EFHC2: variants seen among roughly 807,000 people sequenced by gnomAD.
The protein encoded by EFHC2 is EF-hand domain containing 2, also known as EF-hand domain-containing family member C2.
Under a neutral mutation model 52.7 loss-of-function variants are expected in EFHC2, and 18 were observed. That is an observed-to-expected ratio of 0.34 (90% CI 0.24 to 0.51). The LOEUF is 0.51. Ranked by LOEUF, EFHC2 falls within the 20% of genes least tolerant of loss-of-function variation. The pLI is 0.97. For synonymous variants in EFHC2, 203 were observed against 204.1 expected, an observed-to-expected ratio of 0.99 and a Z score of 0.04; for missense variants, 513 against 562.5, an observed-to-expected ratio of 0.91 and a Z score of 0.89.
At chrX:44,252,508 T>C (rs992982829) in intron 4 of EFHC2, among the ~76,000 whole-genome samples, 1 of 111,960 alleles carries the variant, frequency 8.9e-6, no homozygotes, top group Non-Finnish European at 1.9e-5. Flanking sequence ...GATTGAAAAA[T>C]GTTTCTTTGG....
chrX:44,266,571 G>A (rs1176830582), intron 3 of EFHC2, among the ~76,000 whole-genome samples: 1 of 110,560 alleles, frequency 9.0e-6, no homozygotes, highest in Admixed American at 9.7e-5. Flanking sequence ...CCGGCCTCAA[G>A]TTATCAGCCC....
chrX:44,217,132 T>C (rs756903974), intron 11 of EFHC2, among the ~76,000 whole-genome samples: 20 of 112,094 alleles, frequency 1.8e-4, no homozygotes, highest in Non-Finnish European at 3.6e-4. Context: ...CTCAACATCA[T>C]TGATCATCAG....
chrX:44,261,209 C>A lies in EFHC2; in HGVS notation c.472G>T (p.Val158Phe), dbSNP rs778141055. Reference protein sequence around the residue: ...TVYHFNVGTEVVFYGRTFKIY... With the variant: ...TVYHFNVGTEFVFYGRTFKIY... The stretch of plus-strand genomic sequence containing the variant: ...TTGAATGTCCGGCCATAGAAGACAA[C>A]CTCTGTGCCGACATTAAAATGATAC... Residue 158 changes from valine to phenylalanine, a missense_variant, in exon 4 of 15, where the codon GTT (valine) becomes TTT (phenylalanine). Coordinates refer to ENST00000420999, the MANE Select transcript of EFHC2 (RefSeq NM_025184.4). The A allele has an allele frequency of 8.3e-7, 1 of 1,211,547 alleles. No individual in the cohort carries two copies. Among genetic ancestry groups the A allele is most frequent in the East Asian group, 3.0e-5 (1 of 33,855 alleles).
intron 4 of EFHC2, among the ~76,000 whole-genome samples, chrX:44,251,624 A>T (rs868044464): frequency 1.7e-4 from 13 of 78,054 alleles, no homozygotes; most frequent in African/African-American, 2.5e-4. Flanking sequence ...AAAAAAAAAA[A>T]AAAAAAAAAA....
chrX:44,333,790 T>C (rs1018616944), intron 1 of EFHC2, among the ~76,000 whole-genome samples: 1 of 111,185 alleles, frequency 9.0e-6, no homozygotes, highest in Non-Finnish European at 1.9e-5. Flanking sequence ...GCAAATAAGA[T>C]GGAAGGAGGG....
At chrX:44,273,279 T>C (rs1264345596) in intron 2 of EFHC2, among the ~76,000 whole-genome samples, 2 of 112,527 alleles carry the variant, frequency 1.8e-5, no homozygotes, top group African/African-American at 6.5e-5. Flanking sequence ...GTCCTGATGA[T>C]TGCTTGCCTT....
chrX:44,189,177 G>A (rs1177794430), intron 11 of EFHC2, among the ~76,000 whole-genome samples: 1 of 105,145 alleles, frequency 9.5e-6, no homozygotes, highest in Admixed American at 1.0e-4. Flanking sequence ...CATCTGAGAA[G>A]CTGTACAAAG....
At chrX:44,293,382 C>T (rs772771971) in intron 2 of EFHC2, among the ~76,000 whole-genome samples, 3 of 111,449 alleles carry the variant, frequency 2.7e-5, no homozygotes, top group African/African-American at 9.8e-5. Flanking sequence ...ATAATCCCAT[C>T]ACAATTTCAC....
chrX:44,271,050 CCT>C (rs1360567221), intron 3 of EFHC2, among the ~76,000 whole-genome samples: 1 of 111,688 alleles, frequency 9.0e-6, no homozygotes, highest in Non-Finnish European at 1.9e-5. Context: ...TATCTCTTTC[CCT>C]CTTTCTTCTC....
chrX:44,248,805 T>C lies in EFHC2; in HGVS notation c.970A>G (p.Lys324Glu), dbSNP rs1412832007. ...TAATAAAATATGAGGTTCCTTCCCT[T>C]ATATCTATCGAACAGGTAGCCATCC... ...QADGYLFDRYKLGKVDQEFYK... is the reference protein window; with the variant it reads ...QADGYLFDRYELGKVDQEFYK... The change falls in exon 6 of 15, where the codon AAG becomes GAG. Residue 324 changes from lysine (K) to glutamate (E), a missense_variant and splice_region_variant. Physicochemically the swap from Lys to Glu is moderately conservative, Grantham distance 56 (BLOSUM62 1). Coordinates refer to ENST00000420999, the MANE Select transcript of EFHC2 (RefSeq NM_025184.4). 1.7e-6 allele frequency: 2 copies of C among 1,199,372 alleles called. No homozygotes were observed. The highest frequency in any genetic ancestry group is 1.8e-5 in the South Asian group (1 of 56,251).
intron 1 of EFHC2, among the ~76,000 whole-genome samples, chrX:44,323,862 A>G (rs2038036967): frequency 9.0e-6 from 1 of 111,022 alleles, no homozygotes; most frequent in South Asian, 3.8e-4. Flanking sequence ...AATGTGACCT[A>G]CCTGACTCCA....
In EFHC2 at chrX:44,280,132, A is replaced by T. The variant is rs147674481; in HGVS notation, c.232-7296T>A. Among the ~76,000 whole-genome samples the T allele has an allele frequency of 7.6e-3, 835 of 110,114 alleles. 12 individuals are homozygous for T. The highest frequency in any genetic ancestry group is 0.026 in the African/African-American group (790 of 30,168). On this transcript the variant is annotated intron_variant, in intron 2 of 14. Transcript: ENST00000420999. Reference sequence around the variant, plus strand: ...TTTTTAAAGCTCCCCAAGTGATTACAAACTGCAAGCCAAGGTTGAGAACTA... The same window carrying T: ...TTTTTAAAGCTCCCCAAGTGATTACTAACTGCAAGCCAAGGTTGAGAACTA...
intron 2 of EFHC2, among the ~76,000 whole-genome samples, chrX:44,297,934 AAAGAG>A (rs1278932380): frequency 9.2e-5 from 10 of 108,368 alleles, no homozygotes; most frequent in African/African-American, 3.4e-4. Context: ...AAGTCCAATA[AAAGAG>A]AAAAGAAAAC....
At chrX:44,308,754 T>C (rs1329347455) in intron 2 of EFHC2, among the ~76,000 whole-genome samples, 2 of 112,695 alleles carry the variant, frequency 1.8e-5, no homozygotes, top group Non-Finnish European at 3.7e-5. Flanking sequence ...TTCACTAAAA[T>C]AAAACTTAGA....
At chrX:44,237,568 T>C (rs893173167) in intron 8 of EFHC2, among the ~76,000 whole-genome samples, 1 of 111,754 alleles carries the variant, frequency 8.9e-6, no homozygotes, top group Non-Finnish European at 1.9e-5. Context: ...CAAATTCTTC[T>C]CCCATTTTCT....
chrX:44,279,611 C>T (rs2037686776), intron 2 of EFHC2, among the ~76,000 whole-genome samples: 1 of 110,331 alleles, frequency 9.1e-6, no homozygotes, highest in South Asian at 3.8e-4. Context: ...ATCATGCAAA[C>T]ATATGAAAAT....
At position 44,312,644 on chromosome X, in the gene EFHC2, T is replaced by G. The variant is rs781159094; in HGVS notation, c.155A>C (p.Lys52Thr). 1.7e-6 allele frequency: 2 copies of G among 1,208,777 alleles called. No homozygotes were observed. Among genetic ancestry groups the G allele is most frequent in the Non-Finnish European group, 2.2e-6 (2 of 894,518 alleles). The change falls in exon 2 of 15, where the codon AAG becomes ACG. Residue 52 changes from lysine to threonine, a missense_variant. Lys to Thr is a moderately conservative substitution (Grantham distance 78). Coordinates refer to ENST00000420999, the MANE Select transcript of EFHC2 (RefSeq NM_025184.4). Reference protein sequence around the residue: ...GIGGEPLLGQKIKPKCSIYPK... With the variant: ...GIGGEPLLGQTIKPKCSIYPK... ...ATATATGCTACATTTAGGCTTTATC[T>G]TTTGCCCCAGAAGTGGTTCTCCACC...
intron 11 of EFHC2, among the ~76,000 whole-genome samples, chrX:44,214,356 T>C (rs1351572344): frequency 8.9e-6 from 1 of 111,826 alleles, no homozygotes; most frequent in Non-Finnish European, 1.9e-5. Flanking sequence ...AAAGAAAATA[T>C]CTTGAAAGAA....
At chrX:44,231,735 C>T (rs938232307) in intron 10 of EFHC2, among the ~76,000 whole-genome samples, 1 of 111,910 alleles carries the variant, frequency 8.9e-6, no homozygotes, top group Non-Finnish European at 1.9e-5. Flanking sequence ...ATAAATGGCA[C>T]ATAAATATTA....
Sources: gnomAD v4.1 joint callset for allele counts (sites outside exome capture counted in the v4.1 genomes callset) on GRCh38, gnomAD v4.1.1 for gene constraint, MANE v1.5 for transcripts, NCBI Gene and HGNC (gene_info 2026-07-23, HGNC 2026-07-21) for gene names.